LAMA3: variants seen among roughly 807,000 people sequenced by gnomAD.
LAMA3 encodes the protein laminin subunit alpha 3, also known as laminin subunit alpha-3.
Under a neutral mutation model 402.0 loss-of-function variants are expected in LAMA3, and 281 were observed. The observed-to-expected ratio is 0.70, with a 90% confidence interval of 0.63 to 0.77. The LOEUF is 0.77. LAMA3 is among the 30% of genes least tolerant of loss of function. The pLI, the probability that LAMA3 is intolerant of heterozygous loss-of-function variation, is 0.00. For synonymous variants in LAMA3, 1,431 were observed against 1,558.4 expected (o/e 0.92, Z 1.93); for missense variants, 3,840 against 4,215.5 (o/e 0.91, Z 2.47).
rs2082675288 is a variant in LAMA3, at chr18:23,945,398, G to C, written c.9211-746G>C. Among the ~76,000 whole-genome samples the C allele has an allele frequency of 2.0e-5, 3 of 152,146 alleles. No homozygotes were observed. In the South Asian group the frequency reaches 6.2e-4, roughly 32 times the overall value. ...TCCAGATCACATCCTGTGATTTGGG[G>C]CCAGCAATTGAGTCATTAGTGGGCA... is the stretch of plus-strand genomic sequence containing the variant. On this transcript the variant is annotated intron_variant, in intron 69 of 74. Coordinates refer to ENST00000313654, the MANE Select transcript of LAMA3 (RefSeq NM_198129.4).
At position 23,873,128 on chromosome 18, in the gene LAMA3, C is replaced by T. The variant is rs200762475; in HGVS notation, c.4998+1467C>T. The T allele has an allele frequency of 8.2e-5, 133 of 1,614,234 alleles. No homozygotes were observed. In the East Asian group the frequency reaches 2.9e-3, roughly 35 times the overall value. On this transcript the variant is annotated intron_variant, in intron 38 of 74. Coordinates refer to ENST00000313654, the MANE Select transcript of LAMA3 (RefSeq NM_198129.4). ...CAGCCCTGGGGCAGTGTCTGGGCTA[C>T]AGTTCACAGCAGCAAAGGGTGCCAT...
In LAMA3 at chr18:23,846,311, C is replaced by G. The variant is rs761372847; in HGVS notation, c.3734C>G (p.Ser1245Cys). The change falls in exon 31 of 75, where the codon TCC becomes TGC. Residue 1245 changes from serine (S) to cysteine (C), a missense_variant. Physicochemically the swap from Ser to Cys is moderately radical, Grantham distance 112. This residue lies in a region of LAMA3 where 2,109 missense variants were observed against 2,376.0 expected (regional missense o/e 0.89). Coordinates refer to ENST00000313654, the MANE Select transcript of LAMA3 (RefSeq NM_198129.4). ...TGTCTCCACAGCCCCCAGACAGCCTCCAGATTCTGTAAGAATTCCGCCAGG... is the reference window on the plus strand; with the variant it reads ...TGTCTCCACAGCCCCCAGACAGCCTGCAGATTCTGTAAGAATTCCGCCAGG... ...NSFYLDPQTA[S>C]RFCKNSARSL... 6.8e-6 allele frequency: 11 copies of G among 1,614,242 alleles called. No individual in the cohort carries two copies. Among genetic ancestry groups the G allele is most frequent in the Non-Finnish European group, 9.3e-6 (11 of 1,180,044 alleles).
chr18:23,748,089 A>C, intron 3 of LAMA3, 29 bp downstream of exon 3: 1 of 1,167,430 alleles, frequency 8.6e-7, no homozygotes, highest in East Asian at 2.3e-5. Flanking sequence ...CATGTTATGC[A>C]TGGCTTTAAT....
chr18:23,827,597 C>CT (rs1192001235), intron 23 of LAMA3, 130 bp downstream of exon 23: 26 of 1,035,812 alleles, frequency 2.5e-5, no homozygotes, highest in Non-Finnish European at 3.4e-5. Context: ...TGTTTATCAA[C>CT]ATTTGCTGAA....
At chr18:23,693,817 C>A (rs1344603739) in intron 1 of LAMA3, among the ~76,000 whole-genome samples, 1 of 152,000 alleles carries the variant, frequency 6.6e-6, no homozygotes, top group Non-Finnish European at 1.5e-5. Flanking sequence ...ATTTATGAAA[C>A]CTTTGTTAAC....
intron 66 of LAMA3, 47 bp downstream of exon 66, chr18:23,932,338 A>G (rs776983616): frequency 6.2e-7 from 1 of 1,604,140 alleles, no homozygotes; most frequent in Non-Finnish European, 8.5e-7. Flanking sequence ...CGGCCTGCCC[A>G]TGGGAAGGGT....
chr18:23,691,471 TTTTATGATTGTGTG>T (rs1365546524), intron 1 of LAMA3, among the ~76,000 whole-genome samples: 11 of 152,236 alleles, frequency 7.2e-5, no homozygotes, highest in Non-Finnish European at 1.2e-4. Context: ...GCTTTCTCTA[TTTTATGATTGTGTG>T]TTTATAAACA....
intron 62 of LAMA3, among the ~76,000 whole-genome samples, chr18:23,922,363 T>C (rs1185710956): frequency 1.3e-5 from 2 of 152,234 alleles, no homozygotes; most frequent in African/African-American, 4.8e-5. Context: ...TGCTAACTTA[T>C]ACATCAGTTG....
In LAMA3 at chr18:23,914,803, T is replaced by C. The variant is rs1423181803; in HGVS notation, c.7587T>C (p.Leu2529=). ...DMDGRNSNTL[L]NLDPENVVFY... ...ATGGTAGAAATAGCAATACACTCCT[T>C]AATTTGGATCCTGAAAATGTTGTAT... The change falls in exon 58 of 75, where the codon CTT becomes CTC. Residue 2529 remains leucine (L), a synonymous_variant. Coordinates refer to ENST00000313654, the MANE Select transcript of LAMA3 (RefSeq NM_198129.4). 6.2e-7 allele frequency: 1 copy of C among 1,613,344 alleles called. No individual in the cohort carries two copies. Among genetic ancestry groups the C allele is most frequent in the Non-Finnish European group, 8.5e-7 (1 of 1,179,292 alleles).
intron 2 of LAMA3, among the ~76,000 whole-genome samples, chr18:23,722,287 T>G (rs1262400585): frequency 6.6e-6 from 1 of 152,210 alleles, no homozygotes; most frequent in Admixed American, 6.5e-5. Context: ...CCTTCCTGGC[T>G]GCCTGCTTCC....
intron 12 of LAMA3, among the ~76,000 whole-genome samples, chr18:23,789,101 G>T (rs2062602564): frequency 6.6e-6 from 1 of 152,056 alleles, no homozygotes; most frequent in Non-Finnish European, 1.5e-5. Flanking sequence ...AACATTACCA[G>T]TCATTTGGTA....
rs1555732528 is a variant in LAMA3 at position 23,904,086 on chromosome 18, G to A, written c.6472G>A (p.Glu2158Lys). The stretch of plus-strand genomic sequence containing the variant: ...ACAAGAGCTGGCAAAGCAGCTGGAA[G>A]AGTGAGTGCATGGCCCAGGAGACCA... ...SLQELAKQLE[E>K]IKRNASGDEL... is the part of the protein sequence containing the mutation. Residue 2158 changes from glutamate to lysine, a missense_variant and splice_region_variant, in exon 50 of 75, where the codon GAG becomes AAG. Glu to Lys is a moderately conservative substitution (Grantham distance 56, BLOSUM62 1). Transcript: ENST00000313654. The A allele has an allele frequency of 6.2e-7, 1 of 1,613,332 alleles. No individual in the cohort carries two copies. Among genetic ancestry groups the A allele is most frequent in the African/African-American group, 1.3e-5 (1 of 74,910 alleles).
chr18:23,847,392 C>A (rs1447968463), intron 31 of LAMA3, 72 bp from the exon 32 acceptor site: 2 of 1,487,800 alleles, frequency 1.3e-6, no homozygotes, highest in Non-Finnish European at 9.3e-7. Flanking sequence ...GAAAGCCTGG[C>A]AGTTGGTGGA....
chr18:23,723,560 C>A (rs1299799857), intron 2 of LAMA3, among the ~76,000 whole-genome samples: 1 of 151,978 alleles, frequency 6.6e-6, no homozygotes. Flanking sequence ...CTTGAACATG[C>A]TAAGAGTGCT....
intron 36 of LAMA3, 77 bp from the exon 37 acceptor site, chr18:23,867,757 A>G: frequency 8.9e-7 from 1 of 1,118,292 alleles, no homozygotes; most frequent in Non-Finnish European, 1.4e-6. Context: ...GACCATAGAA[A>G]TGTTTTCTTA....
At position 23,920,750 on chromosome 18, in the gene LAMA3, G is replaced by A. The variant is rs72873098; in HGVS notation, c.7924-185G>A. On this transcript the variant is annotated intron_variant, in intron 60 of 74. Coordinates refer to ENST00000313654, the MANE Select transcript of LAMA3 (RefSeq NM_198129.4). ...CCAACCACTGTGCGTGACATTTAAC[G>A]TGACTTACAGTATTGAACCATCATC... Among the ~76,000 whole-genome samples the A allele has an allele frequency of 8.9e-3, 1,348 of 152,256 alleles. 11 individuals are homozygous for A. Among genetic ancestry groups the A allele is most frequent in the Middle Eastern group, 0.071 (21 of 294 alleles).
chr18:23,897,816 G>T (rs1036632109), intron 44 of LAMA3, among the ~76,000 whole-genome samples: 7 of 152,170 alleles, frequency 4.6e-5, no homozygotes, highest in African/African-American at 1.7e-4. Context: ...TAACATTTTT[G>T]AATGCTCATA....
chr18:23,790,410 T>A (rs2062627700), intron 12 of LAMA3, among the ~76,000 whole-genome samples: 1 of 152,256 alleles, frequency 6.6e-6, no homozygotes, highest in Non-Finnish European at 1.5e-5. Flanking sequence ...ATCTCTATCA[T>A]CTATTAGTGT....
intron 60 of LAMA3, among the ~76,000 whole-genome samples, chr18:23,917,162 C>G (rs1201316388): frequency 6.6e-6 from 1 of 152,122 alleles, no homozygotes; most frequent in Non-Finnish European, 1.5e-5. Context: ...AGGATTATGG[C>G]CTCCAGCTTC....
Sources: allele counts gnomAD v4.1 joint callset (sites outside exome capture counted in the v4.1 genomes callset), GRCh38; gene constraint gnomAD v4.1.1; regional missense constraint gnomAD v4.1.1; transcripts MANE v1.5; gene names NCBI Gene and HGNC (gene_info 2026-07-23, HGNC 2026-07-21).